Variants in CCDC102A observed in about 807,000 individuals in gnomAD.
CCDC102A encodes coiled-coil domain-containing protein 102A.
CCDC102A carries 40 observed loss-of-function variants against 55.5 expected under a neutral mutation model. The observed-to-expected ratio is 0.72, with a 90% CI of 0.56 to 0.94. The LOEUF is 0.94. Among genes scored for constraint, CCDC102A ranks in the 40% least tolerant of loss-of-function variants. The probability of loss-of-function intolerance (pLI) is 0.00; values close to 1 mark genes in which losing one functional copy is unlikely to be tolerated. For synonymous variants in CCDC102A, 323 were observed against 339.0 expected, an observed-to-expected ratio of 0.95 and a Z score of 0.52; for missense variants, 779 against 768.6, an observed-to-expected ratio of 1.01 and a Z score of -0.16.
intron 1 of CCDC102A, among the ~76,000 whole-genome samples, chr16:57,534,280 C>T (rs2032330135): frequency 6.6e-6 from 1 of 152,198 alleles, no homozygotes; most frequent in Non-Finnish European, 1.5e-5. Context: ...CCACTTAGAG[C>T]TTCCATCAGG....
At chr16:57,532,253 T>C (rs2032280336) in intron 1 of CCDC102A, among the ~76,000 whole-genome samples, 1 of 152,166 alleles carries the variant, frequency 6.6e-6, no homozygotes. Flanking sequence ...ATTTGAGTAT[T>C]TGGCGATGCT....
At chr16:57,523,774 C>T (rs1221171303) in intron 3 of CCDC102A, among the ~76,000 whole-genome samples, 1 of 152,036 alleles carries the variant, frequency 6.6e-6, no homozygotes, top group Non-Finnish European at 1.5e-5. Flanking sequence ...GGTAAAACTC[C>T]GTCTCTATGA....
intron 3 of CCDC102A, among the ~76,000 whole-genome samples, chr16:57,523,635 C>T (rs927307742): frequency 8.6e-5 from 13 of 151,106 alleles, no homozygotes; most frequent in Admixed American, 7.2e-4. Flanking sequence ...GGCACAGCCC[C>T]GTTCCCAGCT....
rs766862771 is a variant in CCDC102A, at chr16:57,528,984, G to A, written c.194C>T (p.Ala65Val). Reference protein sequence around the residue: ...LPLPPAPALLADGDWESREEL... With the variant: ...LPLPPAPALLVDGDWESREEL... Reference sequence around the variant, plus strand: ...CTCGCGGCTCTCCCAGTCGCCGTCGGCCAGCAGCGCGGGCGCGGGGGGCAG... The same window carrying A: ...CTCGCGGCTCTCCCAGTCGCCGTCGACCAGCAGCGCGGGCGCGGGGGGCAG... The change falls in exon 2 of 9, where the codon GCC becomes GTC. Residue 65 changes from alanine to valine, a missense_variant. Physicochemically the swap from Ala to Val is moderately conservative, Grantham distance 64. Transcript: ENST00000258214. 5.8e-6 allele frequency: 7 copies of A among 1,212,024 alleles called. No homozygotes were observed. Among genetic ancestry groups the A allele is most frequent in the Non-Finnish European group, 6.2e-6 (6 of 966,792 alleles). The allele number at this position is 1,212,024 out of a possible 1,614,324, so 75.1% of individuals were successfully genotyped here. A position where few individuals can be genotyped will look rare whatever the true frequency, so the allele number is the denominator to read the frequency against.
At chr16:57,532,432 C>A (rs898148416) in intron 1 of CCDC102A, among the ~76,000 whole-genome samples, 12 of 152,190 alleles carry the variant, frequency 7.9e-5, no homozygotes, top group African/African-American at 2.9e-4. Flanking sequence ...AGTCTCTCCG[C>A]CTGTGCAGTG....
intron 3 of CCDC102A, among the ~76,000 whole-genome samples, chr16:57,524,914 A>G (rs1026494361): frequency 1.9e-4 from 29 of 152,074 alleles, no homozygotes; most frequent in African/African-American, 6.8e-4. Context: ...CCTCCGGGAA[A>G]CGGTTTCTTG....
chr16:57,520,480 G>C (rs1452565270), intron 4 of CCDC102A, among the ~76,000 whole-genome samples: 1 of 151,738 alleles, frequency 6.6e-6, no homozygotes, highest in Non-Finnish European at 1.5e-5. Flanking sequence ...CCCCCACAAA[G>C]TGAGCTCCTG....
chr16:57,516,003 C>T lies in CCDC102A; in HGVS notation c.1419+290G>A, dbSNP rs1008215785. ...CATTGGATCCACCCATCCATCTGCCCGCCCTGCCTCTCTCTCCCATTCATC... is the reference window on the plus strand; with the variant it reads ...CATTGGATCCACCCATCCATCTGCCTGCCCTGCCTCTCTCTCCCATTCATC... On this transcript the variant is annotated intron_variant, in intron 7 of 8. Coordinates refer to ENST00000258214, the MANE Select transcript of CCDC102A (RefSeq NM_033212.4). The surrounding 1 kb of genome is among the most constrained non-coding windows in gnomAD (Gnocchi z 4.4). 2.0e-5 allele frequency among the ~76,000 whole-genome samples: 3 copies of T among 152,086 alleles called. No individual in the cohort carries two copies. The highest frequency in any genetic ancestry group is 4.4e-5 in the Non-Finnish European group (3 of 68,016).
chr16:57,519,724 A>G (rs1229086962), intron 4 of CCDC102A, among the ~76,000 whole-genome samples: 2 of 152,216 alleles, frequency 1.3e-5, no homozygotes, highest in African/African-American at 4.8e-5. Context: ...TGAAAAGACT[A>G]AAAGAACAGG....
intron 1 of CCDC102A, among the ~76,000 whole-genome samples, chr16:57,531,654 C>T (rs544628776): frequency 6.4e-4 from 98 of 152,256 alleles, no homozygotes; most frequent in African/African-American, 2.3e-3. Context: ...TAGGACTCAA[C>T]TCCAAATACT....
intron 8 of CCDC102A, among the ~76,000 whole-genome samples, chr16:57,513,775 G>A (rs2031907865): frequency 6.6e-6 from 1 of 152,210 alleles, no homozygotes; most frequent in South Asian, 2.1e-4. Flanking sequence ...GCCCACGCCT[G>A]GGCCCCTGCA....
intron 2 of CCDC102A, among the ~76,000 whole-genome samples, 189 bp downstream of exon 2, chr16:57,528,404 G>A (rs1186118893): frequency 6.6e-6 from 1 of 152,168 alleles, no homozygotes; most frequent in East Asian, 1.9e-4. Flanking sequence ...ACAGAACTTG[G>A]GATTCTCCAC....
intron 6 of CCDC102A, among the ~76,000 whole-genome samples, chr16:57,517,496 A>G (rs2031974680): frequency 1.3e-5 from 2 of 152,056 alleles, no homozygotes; most frequent in South Asian, 4.2e-4. Flanking sequence ...ACAGGTGCCC[A>G]CAATGCTCGG....
At chr16:57,528,565 G>A in intron 2 of CCDC102A, 28 bp downstream of exon 2, 2 of 1,208,244 alleles carry the variant, frequency 1.7e-6, no homozygotes, top group East Asian at 4.1e-5. Context: ...CGAGACTGGA[G>A]CGCGAACGCC....
intron 4 of CCDC102A, among the ~76,000 whole-genome samples, chr16:57,520,854 C>T (rs1228594805): frequency 2.7e-5 from 4 of 150,742 alleles, no homozygotes; most frequent in Admixed American, 6.6e-5. Flanking sequence ...GCAGGAGAAT[C>T]GCTTGAACCC....
rs770789774 is a variant in CCDC102A, at chr16:57,516,515, G to A, written c.1249-52C>T. On this transcript the variant is annotated intron_variant, in intron 6 of 8. Transcript: ENST00000258214. The surrounding 1 kb of genome is among the most constrained non-coding windows in gnomAD (Gnocchi z 4.4). ...GGGAGGAGGGAATCAGTATCAGCTTGGGCGCCATGCCAGGGAGTCCCACGA... is the reference window on the plus strand; with the variant it reads ...GGGAGGAGGGAATCAGTATCAGCTTAGGCGCCATGCCAGGGAGTCCCACGA... The A allele has an allele frequency of 4.5e-6, 7 of 1,539,890 alleles. No homozygotes were observed. The highest frequency in any genetic ancestry group is 6.2e-6 in the Non-Finnish European group (7 of 1,129,312).
rs2031877765 is a variant in CCDC102A, at chr16:57,512,395, C to T, written c.*346G>A. The T allele has an allele frequency of 2.5e-6, 1 of 400,232 alleles. No homozygotes were observed. The highest frequency in any genetic ancestry group is 4.4e-5 in the Admixed American group (1 of 22,896). 24.8% of individuals were successfully genotyped at this position (400,232 alleles called of 1,614,324 possible). A position where few individuals can be genotyped will look rare whatever the true frequency, so the allele number is the denominator to read the frequency against. On this transcript the variant is annotated 3_prime_UTR_variant, in exon 9 of 9. Coordinates refer to ENST00000258214, the MANE Select transcript of CCDC102A (RefSeq NM_033212.4). ...GAGGCAGCCCAGGGTGGGGCTCCAA[C>T]AACTGCCCCCAACATGCCCAGCCCT...
Position 57,528,592 on chromosome 16 carries a change from C to T in CCDC102A, c.585+1G>A. On this transcript the variant is annotated splice_donor_variant, in intron 2 of 8. Coordinates refer to ENST00000258214, the MANE Select transcript of CCDC102A (RefSeq NM_033212.4). LOFTEE classifies it high-confidence loss of function. ...GCGAACGCCCCGCCCGCGCCGCGCA[C>T]CTGGCTGCCTGGCGGCCTCTCGGAC... is the stretch of plus-strand genomic sequence containing the variant. 1 of 1,259,512 alleles carries T rather than the reference C, an allele frequency of 7.9e-7. No homozygotes were observed. The allele number at this position is 1,259,512 out of a possible 1,614,324, so 78.0% of individuals were successfully genotyped here.
intron 3 of CCDC102A, among the ~76,000 whole-genome samples, chr16:57,521,447 A>T (rs1598073551): frequency 6.6e-6 from 1 of 152,008 alleles, no homozygotes; most frequent in African/African-American, 2.4e-5. Flanking sequence ...CCGGGCAAGT[A>T]CCTCTCTCCT....
Sources: allele counts gnomAD v4.1 joint callset (sites outside exome capture counted in the v4.1 genomes callset), GRCh38; gene constraint gnomAD v4.1.1; non-coding constraint Gnocchi (gnomAD v3.1); transcripts MANE v1.5; gene names NCBI Gene and HGNC (gene_info 2026-07-23, HGNC 2026-07-21).